The following REV1 variants were observed in gnomAD, a reference collection of about 807,000 sequenced individuals.
REV1 encodes REV1 DNA directed polymerase, also known as translesion synthesis protein REV1.
In REV1, 42 loss-of-function variants were observed where a neutral mutation model predicts 137.4. The observed-to-expected ratio is 0.31, with a 90% CI of 0.24 to 0.40. REV1 has a LOEUF of 0.40. REV1 is among the 10% of genes least tolerant of loss of function. The probability of loss-of-function intolerance (pLI) is 1.00; values close to 1 mark genes in which losing one functional copy is unlikely to be tolerated. For synonymous variants in REV1, 524 were observed against 519.2 expected (o/e 1.01, Z -0.12); for missense variants, 1,282 against 1,490.1 (o/e 0.86, Z 2.30).
intron 1 of REV1, among the ~76,000 whole-genome samples, chr2:99,477,515 T>C (rs1469268820): frequency 3.3e-5 from 5 of 152,198 alleles, no homozygotes; most frequent in Non-Finnish European, 5.9e-5. Flanking sequence ...GTTTGTTCCA[T>C]TGTATTCTGA....
chr2:99,410,561 G>C, intron 14 of REV1, 134 bp downstream of exon 14: 1 of 762,818 alleles, frequency 1.3e-6, no homozygotes, highest in Non-Finnish European at 2.0e-6. Flanking sequence ...GCTGATGCCT[G>C]CTTCTACAGA....
At chr2:99,450,252 T>C (rs1334121788) in intron 3 of REV1, among the ~76,000 whole-genome samples, 2 of 152,132 alleles carry the variant, frequency 1.3e-5, no homozygotes, top group African/African-American at 2.4e-5. Context: ...TAAGAAAATA[T>C]CTTAAAGACA....
intron 8 of REV1, among the ~76,000 whole-genome samples, chr2:99,430,489 A>T (rs1361684944): frequency 1.3e-5 from 2 of 152,220 alleles, no homozygotes; most frequent in African/African-American, 4.8e-5. Flanking sequence ...AAACATGAAG[A>T]GGTTTCATCC....
rs770985442 is a variant in REV1, at chr2:99,408,070, T to C, written c.2407A>G (p.Met803Val). The C allele has an allele frequency of 2.5e-6, 4 of 1,610,532 alleles. No homozygotes were observed. In the African/African-American group the frequency reaches 4.0e-5, roughly 16 times the overall value. Residue 803 changes from methionine (M) to valine (V), a missense_variant, in exon 15 of 23, where the codon ATG (methionine) becomes GTG (valine). Coordinates refer to ENST00000258428, the MANE Select transcript of REV1 (RefSeq NM_016316.4). Reference protein sequence around the residue: ...AKIIGKAMLNMFHTMKLNISD... With the variant: ...AKIIGKAMLNVFHTMKLNISD... ...ATATTTAGTTTCATTGTATGAAACATGTTTAGCATCGCCTTTCCAATTATT... is the reference window on the plus strand; with the variant it reads ...ATATTTAGTTTCATTGTATGAAACACGTTTAGCATCGCCTTTCCAATTATT...
At chr2:99,414,839 G>T (rs1677635698) in intron 12 of REV1, among the ~76,000 whole-genome samples, 2 of 152,168 alleles carry the variant, frequency 1.3e-5, no homozygotes, top group South Asian at 2.1e-4. Context: ...ATCATCCTGG[G>T]TTGTGTTAGT....
At chr2:99,431,884 C>T (rs1053417374) in intron 8 of REV1, 9 of 985,294 alleles carry the variant, frequency 9.1e-6, no homozygotes, top group African/African-American at 1.7e-5. Context: ...ACAAACTAGA[C>T]GGGCACATGG....
intron 4 of REV1, among the ~76,000 whole-genome samples, chr2:99,444,698 C>G (rs182555629): frequency 6.6e-6 from 1 of 152,318 alleles, no homozygotes; most frequent in East Asian, 1.9e-4. Context: ...AAGCCTAAAC[C>G]ACTATCTATC....
intron 1 of REV1, among the ~76,000 whole-genome samples, chr2:99,483,146 G>C (rs552995345): frequency 2.0e-5 from 3 of 150,746 alleles, no homozygotes; most frequent in African/African-American, 7.3e-5. Context: ...AAAATAAAAA[G>C]CTAAGGAGTC....
In REV1 at chr2:99,429,849, T is replaced by G. The variant is rs1246613784; in HGVS notation, c.1538A>C (p.Tyr513Ser). 4 of 1,590,354 alleles carry G rather than the reference T, an allele frequency of 2.5e-6. No individual in the cohort carries two copies. Among genetic ancestry groups the G allele is most frequent in the Non-Finnish European group, 3.4e-6 (4 of 1,169,342 alleles). Residue 513 changes from tyrosine (Y) to serine (S), a missense_variant, in exon 9 of 23, where the codon TAT (tyrosine) becomes TCT (serine). Tyr to Ser is a moderately radical substitution (Grantham distance 144, BLOSUM62 -2). Coordinates refer to ENST00000258428, the MANE Select transcript of REV1 (RefSeq NM_016316.4). ...CACAACTTCTACATACCTGGCCTCA[T>G]AACTACAAGATGCAATTTCAGCCCT... ...LSRAEIASCS[Y>S]EARQLGIKNG...
chr2:99,472,455 T>G (rs1685526022), intron 1 of REV1, among the ~76,000 whole-genome samples: 2 of 152,166 alleles, frequency 1.3e-5, no homozygotes, highest in African/African-American at 4.8e-5. Flanking sequence ...TGGATAGTGG[T>G]GATGGTTGCA....
At chr2:99,483,226 C>CT (rs1468635449) in intron 1 of REV1, among the ~76,000 whole-genome samples, 1 of 152,008 alleles carries the variant, frequency 6.6e-6, no homozygotes, top group Non-Finnish European at 1.5e-5. Context: ...AGCAAAAAAT[C>CT]TAAGTAGTTT....
At position 99,401,248 on chromosome 2, in the gene REV1, A is replaced by G. The variant is rs774379931; in HGVS notation, c.3749T>C (p.Val1250Ala). ...CAGGCTCTCTGGTAATATTTATGTA[A>G]CTTTTAATGTGCTTCCATAAGTTTG... ...LQQTYGSTLK[V>A]T is the part of the protein sequence containing the mutation. The change falls in exon 23 of 23, where the codon GTT becomes GCT. Residue 1250 changes from valine to alanine, a missense_variant. Val to Ala is a moderately conservative substitution (Grantham distance 64). This residue lies in a region of REV1 where 43 missense variants were observed against 79.1 expected (regional missense o/e 0.54). Transcript: ENST00000258428. 6.2e-7 allele frequency: 1 copy of G among 1,600,918 alleles called. No individual in the cohort carries two copies. The highest frequency in any genetic ancestry group is 1.7e-5 in the Admixed American group (1 of 59,990).
rs923649551 is a variant in REV1 at position 99,448,268 on chromosome 2, A to T, written c.350+1068T>A. Among the ~76,000 whole-genome samples, 19 of 152,134 alleles carry T rather than the reference A, an allele frequency of 1.2e-4. 1 individual carries two copies. Among genetic ancestry groups the T allele is most frequent in the African/African-American group, 4.6e-4 (19 of 41,434 alleles). ...TAAAAAGATAAGCAATCTCTCATACACTGATTATAATCTATCCATACATAA... is the reference window on the plus strand; with the variant it reads ...TAAAAAGATAAGCAATCTCTCATACTCTGATTATAATCTATCCATACATAA... On this transcript the variant is annotated intron_variant, in intron 4 of 22. Transcript: ENST00000258428.
chr2:99,444,718 C>G (rs1399101829), intron 4 of REV1, among the ~76,000 whole-genome samples: 2 of 152,210 alleles, frequency 1.3e-5, no homozygotes, highest in Non-Finnish European at 2.9e-5. Flanking sequence ...CAGTTGTATA[C>G]TCCTAACTAC....
In REV1 at chr2:99,448,243, T is replaced by C. The variant is rs374320014; in HGVS notation, c.350+1093A>G. On this transcript the variant is annotated intron_variant, in intron 4 of 22. Transcript: ENST00000258428. ...TAGAAAAAAAATTCAGCAACTGACT[T>C]AAAAAGATAAGCAATCTCTCATACA... Among the ~76,000 whole-genome samples, 8 of 152,294 alleles carry C rather than the reference T, an allele frequency of 5.3e-5. No homozygotes were observed. The East Asian group carries it at 1.3e-3, about 26-fold the overall frequency.
Position 99,401,145 on chromosome 2 carries a change from T to C in REV1, c.*96A>G, listed in dbSNP as rs1675335611. On this transcript the variant is annotated 3_prime_UTR_variant, in exon 23 of 23. Coordinates refer to ENST00000258428, the MANE Select transcript of REV1 (RefSeq NM_016316.4). ...ACTTGCTTTAAAAGAAATTTAAAATTATAAAAACTCCGAGCATTACTATCA... is the reference window on the plus strand; with the variant it reads ...ACTTGCTTTAAAAGAAATTTAAAATCATAAAAACTCCGAGCATTACTATCA... The C allele has an allele frequency of 1.5e-6, 1 of 655,898 alleles. No homozygotes were observed. The highest frequency in any genetic ancestry group is 2.5e-6 in the Non-Finnish European group (1 of 398,510). The allele number at this position is 655,898 out of a possible 1,614,324, so 40.6% of individuals were successfully genotyped here.
In REV1 at chr2:99,410,712, A is replaced by G. The variant is rs775741713; in HGVS notation, c.2328T>C (p.Ile776=). ...GAGCTTACCTGGCAATGTTATCACA[A>G]ATTCCATGGCCTCCAAATTTTGCAG... The part of the protein sequence containing the change: ...VETAKFGGHG[I]CDNIARTVTL... Residue 776 remains isoleucine, a synonymous_variant, in exon 14 of 23, where the codon ATT becomes ATC. Transcript: ENST00000258428. 6 of 1,589,758 alleles carry G rather than the reference A, an allele frequency of 3.8e-6. No individual in the cohort carries two copies. The South Asian group carries it at 7.0e-5, about 18-fold the overall frequency.
At chr2:99,458,996 CAGG>C (rs370407613) in intron 3 of REV1, among the ~76,000 whole-genome samples, 40 of 152,090 alleles carry the variant, frequency 2.6e-4, no homozygotes, top group African/African-American at 9.4e-4. Context: ...ATCACGAGGT[CAGG>C]AGATCAAGAC....
At chr2:99,475,014 T>C (rs530001069) in intron 1 of REV1, among the ~76,000 whole-genome samples, 1 of 152,276 alleles carries the variant, frequency 6.6e-6, no homozygotes, top group African/African-American at 2.4e-5. Flanking sequence ...TTCCTCCGTA[T>C]GTGGAAAGAG....
Sources: allele counts gnomAD v4.1 joint callset (sites outside exome capture counted in the v4.1 genomes callset), GRCh38; gene constraint gnomAD v4.1.1; regional missense constraint gnomAD v4.1.1; transcripts MANE v1.5; gene names NCBI Gene and HGNC (gene_info 2026-07-23, HGNC 2026-07-21).